Variants in TPST2 observed in about 807,000 individuals in gnomAD.
The protein encoded by TPST2 is tyrosylprotein sulfotransferase 2, also known as protein-tyrosine sulfotransferase 2.
In TPST2, 16 loss-of-function variants were observed where a neutral mutation model predicts 27.8. The ratio of observed to expected loss-of-function variants is 0.58; its 90% CI spans 0.39 to 0.88. The LOEUF is 0.88. Ranked by LOEUF, TPST2 falls within the 40% of genes least tolerant of loss-of-function variation. The pLI, the probability that TPST2 is intolerant of heterozygous loss-of-function variation, is 0.00. For missense variants in TPST2, 464 were observed against 543.1 expected, an observed-to-expected ratio of 0.85 and a Z score of 1.45; for synonymous variants, 229 against 231.7, an observed-to-expected ratio of 0.99 and a Z score of 0.10.
At chr22:26,555,127 T>G in intron 1 of TPST2, 1 of 529,132 alleles carries the variant, frequency 1.9e-6, no homozygotes, top group Non-Finnish European at 3.8e-6. Context: ...CTGAGGGAAT[T>G]TGCATTTTAA....
chr22:26,556,509 T>A (rs1926802413), intron 1 of TPST2, among the ~76,000 whole-genome samples: 1 of 152,114 alleles, frequency 6.6e-6, no homozygotes, highest in Non-Finnish European at 1.5e-5. Context: ...CATTGCACCC[T>A]AGCCTGGGCG....
chr22:26,568,356 C>T (rs1050122510), intron 1 of TPST2, among the ~76,000 whole-genome samples: 3 of 152,168 alleles, frequency 2.0e-5, no homozygotes, highest in African/African-American at 4.8e-5. Context: ...CTCTCCAGTA[C>T]GGGCTGGGTA....
rs1247089923 is a variant in TPST2, at chr22:26,524,769, A to G, written c.*1506T>C. On this transcript the variant is annotated 3_prime_UTR_variant, in exon 7 of 7. Transcript: ENST00000338754. ...TCCCTCAGCATTTGGGGACTGTGCT[A>G]TAAGGGTTAACTCAGCAGGCTTGAA... is the stretch of plus-strand genomic sequence containing the variant. 2.0e-5 allele frequency: 3 copies of G among 152,248 alleles called. No homozygotes were observed. Among genetic ancestry groups the G allele is most frequent in the Non-Finnish European group, 4.4e-5 (3 of 68,048 alleles). The allele number at this position is 152,248 out of a possible 1,614,324, so 9.4% of individuals were successfully genotyped here. A position where few individuals can be genotyped will look rare whatever the true frequency, so the allele number is the denominator to read the frequency against.
intron 5 of TPST2, among the ~76,000 whole-genome samples, chr22:26,530,402 C>T (rs376335182): frequency 1.3e-5 from 2 of 152,194 alleles, no homozygotes; most frequent in South Asian, 2.1e-4. Flanking sequence ...CATGTACCAC[C>T]GTTTACTGAC....
chr22:26,548,298 C>T (rs1241542175), intron 1 of TPST2, among the ~76,000 whole-genome samples: 1 of 134,578 alleles, frequency 7.4e-6, no homozygotes, highest in Non-Finnish European at 1.5e-5. Flanking sequence ...GCTGTTAATA[C>T]AGCGAGACCC....
At chr22:26,560,903 G>A (rs895008603) in intron 1 of TPST2, 103 of 1,604,946 alleles carry the variant, frequency 6.4e-5, no homozygotes, top group South Asian at 3.2e-4. Flanking sequence ...GTGATGTTGC[G>A]AAGAAACTGG....
chr22:26,540,940 C>G lies in TPST2; in HGVS notation c.691G>C (p.Glu231Gln), dbSNP rs2147188176. 1 of 1,614,162 alleles carries G rather than the reference C, an allele frequency of 6.2e-7. No individual in the cohort carries two copies. Among genetic ancestry groups the G allele is most frequent in the East Asian group, 2.2e-5 (1 of 44,884 alleles). The change falls in exon 3 of 7, where the codon GAG becomes CAG. Residue 231 changes from glutamate to glutamine, a missense_variant. Coordinates refer to ENST00000338754, the MANE Select transcript of TPST2 (RefSeq NM_003595.5). ...MYAQCMEVGK[E>Q]KCLPVYYEQL... ...TCGTAGTACACAGGCAGGCACTTCTCCTTGCCTACCTCCATGCACTGGGCG... is the reference window on the plus strand; with the variant it reads ...TCGTAGTACACAGGCAGGCACTTCTGCTTGCCTACCTCCATGCACTGGGCG...
chr22:26,536,389 C>G lies in TPST2; in HGVS notation c.940G>C (p.Ala314Pro). ...HIPGDVVRDMAQIAPMLAQLG... is the reference protein window; with the variant it reads ...HIPGDVVRDMPQIAPMLAQLG... ...TGAGCCAGCATGGGGGCGATCTGGGCCATGTCCCGCACCACATCCCCAGGG... is the reference window on the plus strand; with the variant it reads ...TGAGCCAGCATGGGGGCGATCTGGGGCATGTCCCGCACCACATCCCCAGGG... The change falls in exon 4 of 7, where the codon GCC becomes CCC. Residue 314 changes from alanine to proline, a missense_variant. Ala to Pro is a conservative substitution (Grantham distance 27). Transcript: ENST00000338754. The G allele has an allele frequency of 6.2e-7, 1 of 1,603,944 alleles. No individual in the cohort carries two copies. Among genetic ancestry groups the G allele is most frequent in the South Asian group, 1.1e-5 (1 of 90,046 alleles).
intron 1 of TPST2, chr22:26,560,785 A>C: frequency 1.5e-6 from 2 of 1,294,278 alleles, no homozygotes; most frequent in Admixed American, 3.4e-5. Context: ...GAGACAAAAA[A>C]GAAGTTCAAG....
At chr22:26,546,582 G>A (rs978575103) in intron 1 of TPST2, among the ~76,000 whole-genome samples, 1 of 152,258 alleles carries the variant, frequency 6.6e-6, no homozygotes, top group Non-Finnish European at 1.5e-5. Flanking sequence ...CAATGGAACA[G>A]GGCTGTCAGG....
intron 3 of TPST2, 97 bp from the exon 4 acceptor site, chr22:26,536,583 G>C (rs1313592574): frequency 4.1e-6 from 5 of 1,213,752 alleles, no homozygotes; most frequent in Non-Finnish European, 5.5e-6. Flanking sequence ...GGAAAGACTG[G>C]AGAAACCTGG....
At position 26,541,728 on chromosome 22, in the gene TPST2, GA is replaced by G; in HGVS notation, c.-88-11del. 7.6e-6 allele frequency: 11 copies of G among 1,454,750 alleles called. No individual in the cohort carries two copies. Among genetic ancestry groups the G allele is most frequent in the Non-Finnish European group, 9.9e-6 (11 of 1,110,220 alleles). 90.1% of individuals were successfully genotyped at this position (1,454,750 alleles called of 1,614,324 possible). A position where few individuals can be genotyped will look rare whatever the true frequency, so the allele number is the denominator to read the frequency against. On this transcript the variant is annotated splice_polypyrimidine_tract_variant and intron_variant, in intron 2 of 6. Transcript: ENST00000338754. This position sits in a 1 kb window ranked among gnomAD's most constrained non-coding sequence, Gnocchi z 5.9. ...CCCGCCAGGCTCACATCTGGGGAGAGAGGGGGACATGCATAGTCAGGGAGGT... is the reference window on the plus strand; with the variant it reads ...CCCGCCAGGCTCACATCTGGGGAGAGGGGGGACATGCATAGTCAGGGAGGT...
chr22:26,583,309 C>T (rs1928192459), intron 1 of TPST2, among the ~76,000 whole-genome samples: 2 of 149,890 alleles, frequency 1.3e-5, no homozygotes, highest in Non-Finnish European at 3.0e-5. Context: ...TGGTAGTAGG[C>T]ACCTGTAATC....
chr22:26,550,715 A>C lies in TPST2; in HGVS notation c.-160-6040T>G. On this transcript the variant is annotated intron_variant, in intron 1 of 6. Coordinates refer to ENST00000338754, the MANE Select transcript of TPST2 (RefSeq NM_003595.5). ...CCATGGCTATTCCCAACCCTACCAG[A>C]CCACGCTGACCACACCAACTCCCAC... 5 of 939,838 alleles carry C rather than the reference A, an allele frequency of 5.3e-6. No homozygotes were observed. In the South Asian group the frequency reaches 2.5e-4, roughly 46 times the overall value. The allele number at this position is 939,838 out of a possible 1,614,324, so 58.2% of individuals were successfully genotyped here.
intron 1 of TPST2, among the ~76,000 whole-genome samples, chr22:26,547,769 C>T (rs1258912931): frequency 1.3e-5 from 2 of 152,122 alleles, no homozygotes; most frequent in Admixed American, 1.3e-4. Context: ...GAACTATGAT[C>T]GAGCCACTGT....
Position 26,527,715 on chromosome 22 carries a change from G to A in TPST2, c.*7+499C>T, listed in dbSNP as rs912883290. 2.6e-5 allele frequency among the ~76,000 whole-genome samples: 4 copies of A among 152,140 alleles called. No homozygotes were observed. The South Asian group carries it at 6.2e-4, about 24-fold the overall frequency. ...GTAAAATGGAATGATCATGTCATCC[G>A]CCTCCCAAGGATGCTGAGGGTTAAA... is the stretch of plus-strand genomic sequence containing the variant. On this transcript the variant is annotated intron_variant, in intron 6 of 6. Transcript: ENST00000338754.
intron 2 of TPST2, 91 bp downstream of exon 2, chr22:26,544,513 T>A: frequency 1.4e-6 from 1 of 719,754 alleles, no homozygotes; most frequent in Non-Finnish European, 1.7e-6. Flanking sequence ...AGGCACCCAA[T>A]CATGGAGGCT....
rs187343060 is a variant in TPST2, at chr22:26,525,249, G to A, written c.*1026C>T. 1.7e-3 allele frequency: 260 copies of A among 152,330 alleles called. 1 individual carries two copies. Among genetic ancestry groups the A allele is most frequent in the African/African-American group, 6.0e-3 (250 of 41,538 alleles). 9.4% of individuals were successfully genotyped at this position (152,330 alleles called of 1,614,324 possible). On this transcript the variant is annotated 3_prime_UTR_variant, in exon 7 of 7. Coordinates refer to ENST00000338754, the MANE Select transcript of TPST2 (RefSeq NM_003595.5). ...CTTTTTCTTTTGTTGATTTTATTTT[G>A]AGATGGAGTCTTGCTCTGTCACCCA...
chr22:26,582,074 G>A (rs1928136216), intron 1 of TPST2, among the ~76,000 whole-genome samples: 1 of 152,162 alleles, frequency 6.6e-6, no homozygotes, highest in African/African-American at 2.4e-5. Flanking sequence ...CACCATCAGA[G>A]GCCCCTGGAA....
Sources: gnomAD v4.1 joint callset for allele counts (sites outside exome capture counted in the v4.1 genomes callset) on GRCh38, gnomAD v4.1.1 for gene constraint, Gnocchi (gnomAD v3.1) non-coding constraint, MANE v1.5 for transcripts, NCBI Gene and HGNC (gene_info 2026-07-23, HGNC 2026-07-21) for gene names.